EMC2: variants seen among roughly 807,000 people sequenced by gnomAD.
EMC2 encodes the protein TPR repeat protein 35.
A neutral mutation model predicts 51.6 loss-of-function variants in EMC2; 37 were observed. The ratio of observed to expected loss-of-function variants is 0.72; its 90% CI spans 0.55 to 0.94. The LOEUF is 0.94. EMC2 is among the 40% of genes least tolerant of loss of function. The probability of loss-of-function intolerance (pLI) is 0.00; values close to 1 mark genes in which losing one functional copy is unlikely to be tolerated. For missense variants in EMC2, 359 were observed against 350.9 expected (o/e 1.02, Z -0.18); for synonymous variants, 131 against 112.4 (o/e 1.17, Z -1.04).
chr8:108,488,419 C>T lies in EMC2; in HGVS notation c.*1821C>T, dbSNP rs575648904. On this transcript the variant is annotated 3_prime_UTR_variant, in exon 11 of 11. Coordinates refer to ENST00000220853, the MANE Select transcript of EMC2 (RefSeq NM_014673.5). ...AAGTGATCTACCCGCCTCAGCCTCC[C>T]GAAATGCTGGGATTACAGGCATGAG... is the stretch of plus-strand genomic sequence containing the variant. Among the ~76,000 whole-genome samples, 15 of 152,208 alleles carry T rather than the reference C, an allele frequency of 9.9e-5. No individual in the cohort carries two copies. The highest frequency in any genetic ancestry group is 4.6e-4 in the Admixed American group (7 of 15,290).
At chr8:108,463,445 C>T (rs147791882) in intron 5 of EMC2, among the ~76,000 whole-genome samples, 23 of 151,968 alleles carry the variant, frequency 1.5e-4, no homozygotes, top group Admixed American at 8.5e-4. Context: ...TTGAATCTTC[C>T]TTAAGGGGAA....
intron 5 of EMC2, among the ~76,000 whole-genome samples, chr8:108,468,648 A>G (rs1412907759): frequency 1.3e-5 from 2 of 152,120 alleles, no homozygotes; most frequent in Non-Finnish European, 2.9e-5. Flanking sequence ...AGCTCTTGAT[A>G]CTGTAAAGAG....
At chr8:108,446,710 C>T (rs1818885139) in intron 1 of EMC2, among the ~76,000 whole-genome samples, 1 of 152,220 alleles carries the variant, frequency 6.6e-6, no homozygotes, top group Non-Finnish European at 1.5e-5. Flanking sequence ...AATGAGCTAT[C>T]AAAGGTGAAA....
rs746258516 is a variant in EMC2, at chr8:108,453,129, G to A, written c.287G>A (p.Arg96Lys). The change falls in exon 4 of 11, where the codon AGA becomes AAA. Residue 96 changes from arginine (R) to lysine (K), a missense_variant. By Grantham distance (26) the Arg-to-Lys change is conservative. Coordinates refer to ENST00000220853, the MANE Select transcript of EMC2 (RefSeq NM_014673.5). ...AGAGTCAAGCGATTAACAGGCATGA[G>A]ATTTGAAGCCATGGAAAGGTAACCA... is the stretch of plus-strand genomic sequence containing the variant. ...SHRVKRLTGM[R>K]FEAMERYDDA... The A allele has an allele frequency of 6.2e-7, 1 of 1,605,564 alleles. No individual in the cohort carries two copies. Among genetic ancestry groups the A allele is most frequent in the South Asian group, 1.1e-5 (1 of 90,044 alleles).
intron 5 of EMC2, among the ~76,000 whole-genome samples, chr8:108,459,721 A>AGT (rs1554617756): frequency 0.014 from 1,908 of 136,940 alleles, 18 homozygotes; most frequent in Non-Finnish European, 0.019. Context: ...AGAGAGAGAG[A>AGT]GTGTGTGTGT....
At chr8:108,484,993 C>G (rs552485514) in intron 10 of EMC2, among the ~76,000 whole-genome samples, 5 of 151,826 alleles carry the variant, frequency 3.3e-5, no homozygotes, top group Non-Finnish European at 5.9e-5. Flanking sequence ...TCTTTTTCCT[C>G]TGGCATTTCC....
chr8:108,485,554 T>TAC (rs1167425076), intron 10 of EMC2, among the ~76,000 whole-genome samples: 3 of 15,212 alleles, frequency 2.0e-4, no homozygotes, highest in South Asian at 3.6e-3. Context: ...TATATATATA[T>TAC]ACACACACAC....
intron 10 of EMC2, among the ~76,000 whole-genome samples, chr8:108,480,744 C>A (rs927678333): frequency 2.0e-5 from 3 of 152,090 alleles, no homozygotes; most frequent in Non-Finnish European, 2.9e-5. Context: ...CTGCCCTGTT[C>A]AGTTTGGTTT....
chr8:108,461,504 G>A (rs1819318220), intron 5 of EMC2, among the ~76,000 whole-genome samples: 1 of 152,174 alleles, frequency 6.6e-6, no homozygotes, highest in African/African-American at 2.4e-5. Context: ...AGGCCTTAAA[G>A]GATGAGTGTG....
At chr8:108,470,321 T>G (rs1442601026) in intron 7 of EMC2, among the ~76,000 whole-genome samples, 200 bp downstream of exon 7, 1 of 152,186 alleles carries the variant, frequency 6.6e-6, no homozygotes. Flanking sequence ...TTTAACTAGG[T>G]CATTTGTGTT....
At chr8:108,456,051 A>AT in intron 5 of EMC2, 121 bp downstream of exon 5, 1 of 299,082 alleles carries the variant, frequency 3.3e-6, no homozygotes, top group East Asian at 7.0e-5. Context: ...ATTAAAAAAT[A>AT]TTTTTATTTT....
rs753632135 is a variant in EMC2, at chr8:108,453,076, G to A, written c.234G>A (p.Glu78=). ...RDDLALFCLQ[E]LRRQFPGSHR... ...TATTTTTTCAGTTTTGTCTTCAAGA[G>A]CTGAGAAGACAGTTCCCTGGCAGTC... is the stretch of plus-strand genomic sequence containing the variant. Residue 78 remains glutamate (E), a synonymous_variant, in exon 4 of 11, where the codon GAG becomes GAA. Transcript: ENST00000220853. 1 of 1,593,338 alleles carries A rather than the reference G, an allele frequency of 6.3e-7. No homozygotes were observed. The highest frequency in any genetic ancestry group is 1.7e-5 in the Admixed American group (1 of 57,162).
At chr8:108,486,136 G>A (rs1385253142) in intron 10 of EMC2, among the ~76,000 whole-genome samples, 1 of 151,796 alleles carries the variant, frequency 6.6e-6, no homozygotes, top group African/African-American at 2.4e-5. Context: ...TCAGACAAGT[G>A]GAAGTGGTTC....
chr8:108,457,804 T>C (rs13275292), intron 5 of EMC2, among the ~76,000 whole-genome samples: 105,216 of 152,038 alleles, frequency 0.69, 37,136 homozygotes, highest in African/African-American at 0.84. Context: ...CCAAATCTCA[T>C]GTCCTCACAT....
chr8:108,451,082 A>C (rs1305388262), intron 3 of EMC2, among the ~76,000 whole-genome samples: 2 of 152,142 alleles, frequency 1.3e-5, no homozygotes, highest in East Asian at 1.9e-4. Flanking sequence ...GCGTGCCTCT[A>C]GTCCCAGCTA....
intron 5 of EMC2, among the ~76,000 whole-genome samples, chr8:108,457,229 T>C (rs1313367043): frequency 2.0e-5 from 3 of 152,146 alleles, no homozygotes; most frequent in Non-Finnish European, 4.4e-5. Context: ...ACTTTTAGTC[T>C]TTTCCCACCC....
chr8:108,450,400 G>GT (rs1563690864), intron 2 of EMC2, 28 bp from the exon 3 acceptor site: 11 of 1,417,838 alleles, frequency 7.8e-6, no homozygotes, highest in Admixed American at 1.7e-5. Flanking sequence ...ATTAAATTCA[G>GT]TTTTTTTCCC....
intron 7 of EMC2, 138 bp from the exon 8 acceptor site, chr8:108,475,744 T>C (rs1177496641): frequency 3.7e-6 from 2 of 543,312 alleles, no homozygotes; most frequent in East Asian, 3.3e-5. Flanking sequence ...ACAAATACTT[T>C]ATTAATAAAG....
chr8:108,446,558 G>A (rs920684364), intron 1 of EMC2, among the ~76,000 whole-genome samples: 1 of 152,156 alleles, frequency 6.6e-6, no homozygotes, highest in Non-Finnish European at 1.5e-5. Flanking sequence ...CCCACAGTGG[G>A]AGTCAGAAAC....
Sources: allele counts gnomAD v4.1 joint callset (sites outside exome capture counted in the v4.1 genomes callset), GRCh38; gene constraint gnomAD v4.1.1; transcripts MANE v1.5; gene names NCBI Gene and HGNC (gene_info 2026-07-23, HGNC 2026-07-21).